The following PEX7 variants were observed in gnomAD, a reference collection of about 807,000 sequenced individuals.
PEX7 encodes PTS2 receptor.
Under a neutral mutation model 47.5 loss-of-function variants are expected in PEX7, and 34 were observed. That is an observed-to-expected ratio of 0.72 (90% confidence interval 0.54 to 0.95). PEX7 has a LOEUF of 0.95. Among genes scored for constraint, PEX7 ranks in the 40% least tolerant of loss-of-function variants. The probability of loss-of-function intolerance (pLI) is 0.00; values close to 1 mark genes in which losing one functional copy is unlikely to be tolerated. For missense variants in PEX7, 394 were observed against 400.3 expected, an observed-to-expected ratio of 0.98 and a Z score of 0.13; for synonymous variants, 141 against 148.8, an observed-to-expected ratio of 0.95 and a Z score of 0.38.
At chr6:136,862,058 T>TTTTATATATATTA (rs1774975751) in intron 5 of PEX7, among the ~76,000 whole-genome samples, 5 of 143,524 alleles carry the variant, frequency 3.5e-5, no homozygotes, top group African/African-American at 1.3e-4. Context: ...TATATATATA[T>TTTTATATATATTA]TATATATATA....
chr6:136,839,345 A>T (rs1336339527), intron 3 of PEX7, among the ~76,000 whole-genome samples: 1 of 152,242 alleles, frequency 6.6e-6, no homozygotes, highest in Non-Finnish European at 1.5e-5. Context: ...TTTTTAATTA[A>T]GTAGACCAAC....
At position 136,826,372 on chromosome 6, in the gene PEX7, A is replaced by G. The variant is rs1002497071; in HGVS notation, c.242A>G (p.His81Arg). Residue 81 changes from histidine (H) to arginine (R), a missense_variant, in exon 3 of 10, where the codon CAT becomes CGT. Transcript: ENST00000318471. ...FDVTWSENNE[H>R]VLITCSGDGS... is the part of the protein sequence containing the mutation. ...GTGACTTGGAGTGAGAACAACGAAC[A>G]TGTCCTCATCACCTGTAGTGGCGAT... 8 of 1,613,954 alleles carry G rather than the reference A, an allele frequency of 5.0e-6. No individual in the cohort carries two copies. The African/African-American group carries it at 5.3e-5, about 11-fold the overall frequency.
intron 8 of PEX7, among the ~76,000 whole-genome samples, chr6:136,890,459 C>CT (rs34049626): frequency 1.2e-4 from 18 of 151,366 alleles, no homozygotes; most frequent in African/African-American, 4.4e-4. Flanking sequence ...ATTTTTTTTT[C>CT]TTTTTTTACC....
intron 8 of PEX7, among the ~76,000 whole-genome samples, chr6:136,876,046 T>C: frequency 6.6e-6 from 1 of 151,956 alleles, no homozygotes; most frequent in East Asian, 1.9e-4. Flanking sequence ...CATTAAATTT[T>C]TTTTTTTTTG....
intron 8 of PEX7, among the ~76,000 whole-genome samples, chr6:136,876,936 C>G (rs1775285026): frequency 6.6e-6 from 1 of 152,208 alleles, no homozygotes; most frequent in Non-Finnish European, 1.5e-5. Flanking sequence ...AATGGTTGAA[C>G]TAATTTACAC....
intron 5 of PEX7, among the ~76,000 whole-genome samples, chr6:136,866,014 C>T (rs1411823218): frequency 6.6e-6 from 1 of 151,500 alleles, no homozygotes; most frequent in Non-Finnish European, 1.5e-5. Flanking sequence ...ACCTGGGAGG[C>T]GGAGATTACA....
chr6:136,826,584 A>T (rs906329801), intron 3 of PEX7, 115 bp downstream of exon 3: 70 of 1,196,114 alleles, frequency 5.9e-5, no homozygotes, highest in Non-Finnish European at 8.4e-5. Context: ...AAACGTTAGC[A>T]TTTCTTATAC....
intron 3 of PEX7, chr6:136,829,956 A>T: frequency 1.4e-6 from 1 of 697,316 alleles, no homozygotes; most frequent in Non-Finnish European, 2.6e-6. Context: ...TTATTAAAAA[A>T]AAAAGTTGAT....
chr6:136,826,635 G>A lies in PEX7; in HGVS notation c.339+166G>A, dbSNP rs73777753. On this transcript the variant is annotated intron_variant, in intron 3 of 9. Transcript: ENST00000318471. ...TATTATTTGATTATTCAAACATAAA[G>A]TACCTCTTGGCCTAAGGAGTGGGGA... 0.05 allele frequency among the ~76,000 whole-genome samples: 7,610 copies of A among 151,092 alleles called. 678 individuals are homozygous for A. The highest frequency in any genetic ancestry group is 0.18 in the African/African-American group (7,279 of 40,984).
chr6:136,910,449 A>G (rs761324603), intron 9 of PEX7, among the ~76,000 whole-genome samples: 5 of 152,206 alleles, frequency 3.3e-5, no homozygotes, highest in Non-Finnish European at 7.3e-5. Flanking sequence ...ATTAAAGGGA[A>G]GCGATCAGTA....
intron 9 of PEX7, among the ~76,000 whole-genome samples, chr6:136,898,472 C>G (rs1051181376): frequency 6.6e-6 from 1 of 152,114 alleles, no homozygotes; most frequent in Non-Finnish European, 1.5e-5. Context: ...AGGTATTATC[C>G]TAACATTTTA....
intron 8 of PEX7, among the ~76,000 whole-genome samples, chr6:136,882,792 G>C (rs1424910983): frequency 6.6e-6 from 1 of 151,896 alleles, no homozygotes; most frequent in Non-Finnish European, 1.5e-5. Flanking sequence ...TTTTTCCTCA[G>C]CCTGTAACAT....
intron 8 of PEX7, among the ~76,000 whole-genome samples, chr6:136,873,629 C>G (rs2115231895): frequency 6.6e-6 from 1 of 152,192 alleles, no homozygotes; most frequent in East Asian, 1.9e-4. Flanking sequence ...ATTGATTTTT[C>G]TTAAAATTCC....
chr6:136,873,111 C>G (rs942002059), intron 8 of PEX7, among the ~76,000 whole-genome samples: 8 of 152,146 alleles, frequency 5.3e-5, no homozygotes, highest in East Asian at 3.9e-4. Flanking sequence ...TTGATTTTGT[C>G]TAGGCAAAAC....
intron 3 of PEX7, among the ~76,000 whole-genome samples, chr6:136,833,232 A>G (rs958045804): frequency 6.6e-6 from 1 of 152,146 alleles, no homozygotes; most frequent in African/African-American, 2.4e-5. Context: ...GTGACAGGAG[A>G]GAGAGAGCAA....
At chr6:136,896,457 C>T (rs776002903) in intron 8 of PEX7, among the ~76,000 whole-genome samples, 2 of 152,172 alleles carry the variant, frequency 1.3e-5, no homozygotes, top group Non-Finnish European at 2.9e-5. Context: ...GTTCTTATTA[C>T]ATAAACATTG....
At chr6:136,824,157 C>G (rs1038101611) in intron 1 of PEX7, among the ~76,000 whole-genome samples, 1 of 152,178 alleles carries the variant, frequency 6.6e-6, no homozygotes, top group Non-Finnish European at 1.5e-5. Flanking sequence ...ACCAGTTAGA[C>G]TGAAGACTCA....
intron 5 of PEX7, among the ~76,000 whole-genome samples, chr6:136,848,831 A>G (rs1490779592): frequency 6.6e-6 from 1 of 151,958 alleles, no homozygotes; most frequent in African/African-American, 2.4e-5. Flanking sequence ...TTGTGTCTCT[A>G]CCAGGCTTTG....
chr6:136,874,425 A>G (rs1399197145), intron 8 of PEX7, among the ~76,000 whole-genome samples: 1 of 152,156 alleles, frequency 6.6e-6, no homozygotes, highest in Non-Finnish European at 1.5e-5. Flanking sequence ...TATTCCCAGC[A>G]CTTTGGGAGG....
Sources: gnomAD v4.1 joint callset for allele counts (sites outside exome capture counted in the v4.1 genomes callset) on GRCh38, gnomAD v4.1.1 for gene constraint, MANE v1.5 for transcripts, NCBI Gene and HGNC (gene_info 2026-07-23, HGNC 2026-07-21) for gene names.